Variants in DPY19L4 observed in about 807,000 individuals in gnomAD.
The protein encoded by DPY19L4 is dpy-19 like 4.
A neutral mutation model predicts 102.8 loss-of-function variants in DPY19L4; 97 were observed. The observed-to-expected ratio is 0.94, with a 90% CI of 0.80 to 1.12. DPY19L4 has a LOEUF of 1.12. Among genes scored for constraint, DPY19L4 ranks in the 50% most tolerant of loss-of-function variants. The probability of loss-of-function intolerance (pLI) is 0.00; values close to 1 mark genes in which losing one functional copy is unlikely to be tolerated. For synonymous variants in DPY19L4, 252 were observed against 283.1 expected, an observed-to-expected ratio of 0.89 and a Z score of 1.10; for missense variants, 815 against 850.4, an observed-to-expected ratio of 0.96 and a Z score of 0.52.
Position 94,781,056 on chromosome 8 carries a change from A to ATTTTTTTTTTTTTTTTTTTGTTT in DPY19L4, c.1633-10_1633-9insTGTTTTTTTTTTTTTTTTTTTTT. ...AATTACTGACATACATCTTTTGGGG[A>ATTTTTTTTTTTTTTTTTTTGTTT]TTTTTTTTTTTTTTTTTTGCATTTT... is the stretch of plus-strand genomic sequence containing the variant. On this transcript the variant is annotated intron_variant, in intron 15 of 18. Transcript: ENST00000414645. 1.7e-6 allele frequency: 2 copies of ATTTTTTTTTTTTTTTTTTTGTTT among 1,200,480 alleles called. 1 individual carries two copies. The allele number at this position is 1,200,480 out of a possible 1,614,324, so 74.4% of individuals were successfully genotyped here. A position where few individuals can be genotyped will look rare whatever the true frequency, so the allele number is the denominator to read the frequency against.
At chr8:94,771,856 C>G (rs1812950742) in intron 13 of DPY19L4, among the ~76,000 whole-genome samples, 1 of 152,096 alleles carries the variant, frequency 6.6e-6, no homozygotes, top group African/African-American at 2.4e-5. Context: ...TATTGTCTTT[C>G]AATGGCAAAT....
chr8:94,760,983 C>T (rs1187349296), intron 7 of DPY19L4, among the ~76,000 whole-genome samples: 1 of 152,110 alleles, frequency 6.6e-6, no homozygotes, highest in African/African-American at 2.4e-5. Context: ...GATAATACTT[C>T]TGTTGACAGG....
At chr8:94,722,810 C>T (rs1036035069) in intron 1 of DPY19L4, among the ~76,000 whole-genome samples, 2 of 152,176 alleles carry the variant, frequency 1.3e-5, no homozygotes, top group African/African-American at 2.4e-5. Context: ...GTGTTCTCCG[C>T]GTCCCATCTT....
intron 6 of DPY19L4, among the ~76,000 whole-genome samples, chr8:94,741,164 G>C (rs1811429710): frequency 6.6e-6 from 1 of 152,166 alleles, no homozygotes; most frequent in East Asian, 1.9e-4. Flanking sequence ...AGAAATTATA[G>C]TTAATTGATC....
At chr8:94,770,273 A>T (rs1334768907) in intron 12 of DPY19L4, among the ~76,000 whole-genome samples, 179 bp from the exon 13 acceptor site, 1 of 152,126 alleles carries the variant, frequency 6.6e-6, no homozygotes, top group Non-Finnish European at 1.5e-5. Flanking sequence ...AAACTTAGAG[A>T]CATATGTTAG....
At chr8:94,724,935 G>A (rs964954230) in intron 1 of DPY19L4, among the ~76,000 whole-genome samples, 7 of 152,000 alleles carry the variant, frequency 4.6e-5, no homozygotes, top group African/African-American at 1.7e-4. Flanking sequence ...TACTTAACAT[G>A]ACTACAGAAT....
At chr8:94,788,641 ACGCG>A (rs10601540) in intron 18 of DPY19L4, among the ~76,000 whole-genome samples, 16,339 of 115,516 alleles carry the variant, frequency 0.14, 1,061 homozygotes, top group Non-Finnish European at 0.18. Flanking sequence ...AGACTGACGC[ACGCG>A]CGCGCGCATG....
At position 94,788,168 on chromosome 8, in the gene DPY19L4, ATTGAG is replaced by A. The variant is rs1813740242; in HGVS notation, c.2007+119_2007+123del. ...TTTTTAGAACTTAACTAAGAATATA[ATTGAG>A]TTATGTAATAATGGGGAAAGCTTCT... On this transcript the variant is annotated intron_variant, in intron 18 of 18. Transcript: ENST00000414645. 1.9e-5 allele frequency: 9 copies of A among 486,256 alleles called. No individual in the cohort carries two copies. In the South Asian group the frequency reaches 5.2e-4, roughly 28 times the overall value. The allele number at this position is 486,256 out of a possible 1,614,324, so 30.1% of individuals were successfully genotyped here. A position where few individuals can be genotyped will look rare whatever the true frequency, so the allele number is the denominator to read the frequency against.
In DPY19L4 at chr8:94,765,253, C is replaced by A. The variant is rs977914403; in HGVS notation, c.941C>A (p.Ala314Asp). ...LGYLLQFENPALLVSPLLSLV... is the reference protein window; with the variant it reads ...LGYLLQFENPDLLVSPLLSLV... Reference sequence around the variant, plus strand: ...TATTTACTACAGTTTGAGAATCCAGCTTTGTTGGTATCTCCTTTATTAAGT... The same window carrying A: ...TATTTACTACAGTTTGAGAATCCAGATTTGTTGGTATCTCCTTTATTAAGT... The change falls in exon 9 of 19, where the codon GCT becomes GAT. Residue 314 changes from alanine (A) to aspartate (D), a missense_variant. By Grantham distance (126) the Ala-to-Asp change is moderately radical. Coordinates refer to ENST00000414645, the MANE Select transcript of DPY19L4 (RefSeq NM_181787.3). The A allele has an allele frequency of 6.2e-6, 10 of 1,609,830 alleles. No homozygotes were observed. The African/African-American group carries it at 1.3e-4, about 22-fold the overall frequency.
At position 94,789,826 on chromosome 8, in the gene DPY19L4, A is replaced by T. The variant is rs767411203; in HGVS notation, c.2088A>T (p.Pro696=). Residue 696 remains proline, a synonymous_variant, in exon 19 of 19, where the codon CCA becomes CCT. Transcript: ENST00000414645. ...FCHEVKINYS[P]YVNYFTRVYW... The stretch of plus-strand genomic sequence containing the variant: ...ATGAGGTCAAAATTAACTATTCTCC[A>T]TATGTGAATTATTTCACTAGAGTAT... The T allele has an allele frequency of 6.2e-7, 1 of 1,611,830 alleles. No homozygotes were observed. The highest frequency in any genetic ancestry group is 1.3e-5 in the African/African-American group (1 of 74,816).
intron 2 of DPY19L4, among the ~76,000 whole-genome samples, chr8:94,729,393 T>C (rs1810835308): frequency 7.5e-6 from 1 of 132,770 alleles, no homozygotes; most frequent in Non-Finnish European, 1.6e-5. Flanking sequence ...ACACACAAAT[T>C]TAAACTTAGG....
At chr8:94,731,577 A>G (rs763805581) in intron 2 of DPY19L4, among the ~76,000 whole-genome samples, 10 of 151,586 alleles carry the variant, frequency 6.6e-5, no homozygotes, top group Non-Finnish European at 1.2e-4. Context: ...CACCACACCC[A>G]GCCAGTTTTG....
At chr8:94,782,944 G>A (rs553004914) in intron 16 of DPY19L4, among the ~76,000 whole-genome samples, 1 of 152,294 alleles carries the variant, frequency 6.6e-6, no homozygotes, top group African/African-American at 2.4e-5. Flanking sequence ...TATGTTACTG[G>A]GTACAATTAC....
intron 18 of DPY19L4, among the ~76,000 whole-genome samples, chr8:94,788,616 CAAG>C (rs969168434): frequency 1.4e-5 from 2 of 146,998 alleles, no homozygotes; most frequent in Non-Finnish European, 3.0e-5. Flanking sequence ...GTGTTTTCCA[CAAG>C]AAGACCACCT....
Position 94,777,715 on chromosome 8 carries a change from G to A in DPY19L4, c.1504G>A (p.Val502Ile), listed in dbSNP as rs1212978647. 1.2e-6 allele frequency: 2 copies of A among 1,613,950 alleles called. No homozygotes were observed. Among genetic ancestry groups the A allele is most frequent in the Non-Finnish European group, 1.7e-6 (2 of 1,180,006 alleles). Residue 502 changes from valine to isoleucine, a missense_variant, in exon 14 of 19, where the codon GTA becomes ATA. Val to Ile is a conservative substitution (Grantham distance 29). Coordinates refer to ENST00000414645, the MANE Select transcript of DPY19L4 (RefSeq NM_181787.3). ...PYVCMLAAFG[V>I]CSPELWMTLF... is the part of the protein sequence containing the mutation. ...TGTGTGCATGTTAGCAGCATTTGGTGTATGTTCTCCCGAACTTTGGATGAC... is the reference window on the plus strand; with the variant it reads ...TGTGTGCATGTTAGCAGCATTTGGTATATGTTCTCCCGAACTTTGGATGAC...
intron 3 of DPY19L4, among the ~76,000 whole-genome samples, chr8:94,737,510 C>T (rs113468899): frequency 0.013 from 2,009 of 151,546 alleles, 44 homozygotes; most frequent in South Asian, 0.062. Context: ...AAGGGCCAGG[C>T]GGTGACTCAA....
At chr8:94,768,210 G>T (rs1440871715) in intron 11 of DPY19L4, among the ~76,000 whole-genome samples, 185 bp from the exon 12 acceptor site, 4 of 152,156 alleles carry the variant, frequency 2.6e-5, no homozygotes, top group Non-Finnish European at 5.9e-5. Context: ...TTTGGTGAGA[G>T]CACATGCTTT....
chr8:94,766,330 G>A (rs1275712609), intron 10 of DPY19L4, among the ~76,000 whole-genome samples: 5 of 152,076 alleles, frequency 3.3e-5, no homozygotes, highest in African/African-American at 4.8e-5. Flanking sequence ...AGCCAAGATC[G>A]TGCCATTGCA....
chr8:94,775,780 AT>A (rs1481728199), intron 13 of DPY19L4, among the ~76,000 whole-genome samples: 4 of 152,270 alleles, frequency 2.6e-5, no homozygotes, highest in African/African-American at 9.6e-5. Context: ...CTTAGTATTT[AT>A]TACAAAAGTT....
Sources: gnomAD v4.1 joint callset for allele counts (sites outside exome capture counted in the v4.1 genomes callset) on GRCh38, gnomAD v4.1.1 for gene constraint, MANE v1.5 for transcripts, NCBI Gene and HGNC (gene_info 2026-07-23, HGNC 2026-07-21) for gene names.